Variants in STAU2 observed in about 807,000 individuals in gnomAD.
STAU2 encodes the protein double-stranded RNA-binding protein Staufen homolog 2.
A neutral mutation model predicts 65.9 loss-of-function variants in STAU2; 20 were observed. The observed-to-expected ratio is 0.30, with a 90% CI of 0.21 to 0.44. STAU2 has a LOEUF of 0.44. STAU2 is among the 20% of genes least tolerant of loss of function. STAU2 has a pLI of 1.00. For synonymous variants in STAU2, 232 were observed against 233.9 expected (o/e 0.99, Z 0.07); for missense variants, 558 against 683.9 (o/e 0.82, Z 2.05).
At chr8:73,461,173 C>G (rs1220248350) in intron 13 of STAU2, among the ~76,000 whole-genome samples, 1 of 152,180 alleles carries the variant, frequency 6.6e-6, no homozygotes, top group Non-Finnish European at 1.5e-5. Context: ...TCTTCAATGA[C>G]TATCCTCAAA....
Position 73,727,395 on chromosome 8 carries a change from G to C in STAU2, c.-18+10889C>G, listed in dbSNP as rs1805720891. 3.3e-5 allele frequency among the ~76,000 whole-genome samples: 5 copies of C among 151,968 alleles called. No individual in the cohort carries two copies. In the South Asian group the frequency reaches 1.0e-3, roughly 32 times the overall value. The stretch of plus-strand genomic sequence containing the variant: ...GCTTCTCATTCACCCTTAATCCCAG[G>C]CCCTGGCAAGCAACAATCTACATTC... On this transcript the variant is annotated intron_variant, in intron 3 of 14. Transcript: ENST00000524300.
intron 11 of STAU2, among the ~76,000 whole-genome samples, chr8:73,584,272 A>G (rs1189641961): frequency 6.6e-6 from 1 of 152,190 alleles, no homozygotes; most frequent in Non-Finnish European, 1.5e-5. Flanking sequence ...TACCATCCTG[A>G]GAGATTGCTG....
chr8:73,527,282 T>G lies in STAU2; in HGVS notation c.1530+24730A>C, dbSNP rs1020787687. 1.1e-4 allele frequency: 18 copies of G among 159,650 alleles called. No homozygotes were observed. In the South Asian group the frequency reaches 1.6e-3, roughly 14 times the overall value. 9.9% of individuals were successfully genotyped at this position (159,650 alleles called of 1,614,324 possible). On this transcript the variant is annotated intron_variant, in intron 13 of 14. Coordinates refer to ENST00000524300, the MANE Select transcript of STAU2 (RefSeq NM_001164380.2). The stretch of plus-strand genomic sequence containing the variant: ...CATTTCTCACAACATATCCTTGTCA[T>G]TAAGTGACGCATCACTGTACATTCT...
chr8:73,495,098 T>C (rs558776662), intron 13 of STAU2, among the ~76,000 whole-genome samples: 87 of 151,678 alleles, frequency 5.7e-4, no homozygotes, highest in African/African-American at 1.9e-3. Context: ...TTTTAATTCT[T>C]ATTTGTTGGG....
chr8:73,432,552 A>T (rs1254098717), intron 13 of STAU2, among the ~76,000 whole-genome samples: 1 of 152,232 alleles, frequency 6.6e-6, no homozygotes, highest in Non-Finnish European at 1.5e-5. Context: ...ATATAAAATA[A>T]GAGAAACCAA....
chr8:73,736,128 AG>A (rs1266852288), intron 3 of STAU2, among the ~76,000 whole-genome samples: 1 of 152,234 alleles, frequency 6.6e-6, no homozygotes, highest in Non-Finnish European at 1.5e-5. Flanking sequence ...TTGTTGCACT[AG>A]GGAAGTTTCT....
chr8:73,688,693 C>G lies in STAU2; in HGVS notation c.235G>C (p.Val79Leu). The change falls in exon 5 of 15, where the codon GTT becomes CTT. Residue 79 changes from valine (V) to leucine (L), a missense_variant. By Grantham distance (32) the Val-to-Leu change is conservative. Around this residue, in one of 3 missense-constraint regions of STAU2, gnomAD observed 112 missense variants for 114.2 expected, o/e 0.98. Transcript: ENST00000524300. ...ALTESTLPKPVQKPPKSNVNN... is the reference protein window; with the variant it reads ...ALTESTLPKPLQKPPKSNVNN... ...ACATTACTTTTGGGTGGCTTCTGAACTGGTTTGGGAAGCGTAGATTCAGTC... is the reference window on the plus strand; with the variant it reads ...ACATTACTTTTGGGTGGCTTCTGAAGTGGTTTGGGAAGCGTAGATTCAGTC... The G allele has an allele frequency of 1.2e-6, 2 of 1,614,092 alleles. No homozygotes were observed. The highest frequency in any genetic ancestry group is 1.7e-6 in the Non-Finnish European group (2 of 1,180,022).
intron 10 of STAU2, among the ~76,000 whole-genome samples, chr8:73,602,405 A>G (rs536452391): frequency 1.3e-5 from 2 of 152,350 alleles, no homozygotes; most frequent in Non-Finnish European, 2.9e-5. Context: ...GTGACTAACC[A>G]ATTATTTAAA....
chr8:73,573,652 G>A (rs1022846279), intron 12 of STAU2, among the ~76,000 whole-genome samples: 7 of 152,240 alleles, frequency 4.6e-5, no homozygotes, highest in South Asian at 2.1e-4. Flanking sequence ...GAAATGGGGA[G>A]AGGATTCCCT....
intron 12 of STAU2, among the ~76,000 whole-genome samples, chr8:73,575,542 T>C (rs886568944): frequency 2.0e-5 from 3 of 152,136 alleles, no homozygotes; most frequent in African/African-American, 7.2e-5. Context: ...TATGAGGTTT[T>C]TACATGGCAG....
rs35721754 is a variant in STAU2, at chr8:73,721,287, C to CAAAAAAAAAAA, written c.-17-12136_-17-12126dup. On this transcript the variant is annotated intron_variant, in intron 3 of 14. Coordinates refer to ENST00000524300, the MANE Select transcript of STAU2 (RefSeq NM_001164380.2). ...CGTGAACAAAGCAAAACCCCACCTC[C>CAAAAAAAAAAA]AAAAAAAAAAAAAAAAAAAAAAAAA... 4.2e-3 allele frequency among the ~76,000 whole-genome samples: 52 copies of CAAAAAAAAAAA among 12,458 alleles called. 3 individuals are homozygous for CAAAAAAAAAAA. Among genetic ancestry groups the CAAAAAAAAAAA allele is most frequent in the East Asian group, 0.016 (6 of 368 alleles). 8.2% of individuals were successfully genotyped at this position (12,458 alleles called of 152,430 possible).
At chr8:73,444,650 A>C (rs1432394860) in intron 13 of STAU2, among the ~76,000 whole-genome samples, 1 of 152,168 alleles carries the variant, frequency 6.6e-6, no homozygotes, top group Non-Finnish European at 1.5e-5. Context: ...AGAACAGGAT[A>C]GAGTTAGGTC....
intron 13 of STAU2, among the ~76,000 whole-genome samples, chr8:73,485,403 C>T (rs1820863440): frequency 6.6e-6 from 1 of 151,992 alleles, no homozygotes; most frequent in Non-Finnish European, 1.5e-5. Context: ...AAAGTTGGTG[C>T]TCTGCCCCCG....
At chr8:73,715,704 A>C (rs1821205310) in intron 3 of STAU2, among the ~76,000 whole-genome samples, 1 of 152,208 alleles carries the variant, frequency 6.6e-6, no homozygotes, top group South Asian at 2.1e-4. Context: ...TACTACAGGA[A>C]GACATTTGCA....
At chr8:73,533,687 G>A (rs1328980270) in intron 13 of STAU2, among the ~76,000 whole-genome samples, 1 of 152,172 alleles carries the variant, frequency 6.6e-6, no homozygotes, top group East Asian at 1.9e-4. Flanking sequence ...CTTGAGGCCA[G>A]GAGTTTGAGA....
At chr8:73,621,269 G>A (rs749159991) in intron 6 of STAU2, among the ~76,000 whole-genome samples, 1 of 152,060 alleles carries the variant, frequency 6.6e-6, no homozygotes, top group Non-Finnish European at 1.5e-5. Flanking sequence ...AAGATCTGAC[G>A]GTTTTATAAG....
chr8:73,611,362 A>C (rs1812441900), intron 9 of STAU2, among the ~76,000 whole-genome samples: 1 of 152,210 alleles, frequency 6.6e-6, no homozygotes, highest in Non-Finnish European at 1.5e-5. Context: ...ATGAGGAAAA[A>C]TGCAGGAGGC....
At chr8:73,502,564 C>T (rs1394995419) in intron 13 of STAU2, among the ~76,000 whole-genome samples, 1 of 152,066 alleles carries the variant, frequency 6.6e-6, no homozygotes, top group Non-Finnish European at 1.5e-5. Context: ...CCCATGCTAG[C>T]TCTAGCTAGT....
intron 5 of STAU2, among the ~76,000 whole-genome samples, chr8:73,687,438 TAATATATA>T (rs538418674): frequency 0.026 from 3,562 of 135,688 alleles, 139 homozygotes; most frequent in African/African-American, 0.089. Flanking sequence ...TATATATTTA[TAATATATA>T]AATATATAAT....
Sources: allele counts gnomAD v4.1 joint callset (sites outside exome capture counted in the v4.1 genomes callset), GRCh38; gene constraint gnomAD v4.1.1; regional missense constraint gnomAD v4.1.1; transcripts MANE v1.5; gene names NCBI Gene and HGNC (gene_info 2026-07-23, HGNC 2026-07-21).